The following GRIK4 variants were observed in gnomAD, a reference collection of about 807,000 sequenced individuals.
GRIK4 encodes glutamate ionotropic receptor kainate type subunit 4.
GRIK4 carries 40 observed loss-of-function variants against 104.9 expected under a neutral mutation model. The observed-to-expected ratio is 0.38, with a 90% CI of 0.30 to 0.50. GRIK4 has a LOEUF of 0.50. Ranked by LOEUF, GRIK4 falls within the 20% of genes least tolerant of loss-of-function variation. GRIK4 has a pLI of 0.93. For synonymous variants in GRIK4, 485 were observed against 524.9 expected (o/e 0.92, Z 1.04); for missense variants, 1,047 against 1,308.1 (o/e 0.80, Z 3.08).
At chr11:120,951,993 G>A (rs1385780929) in intron 14 of GRIK4, among the ~76,000 whole-genome samples, 1 of 152,192 alleles carries the variant, frequency 6.6e-6, no homozygotes, top group African/African-American at 2.4e-5. Flanking sequence ...GCCAGAAAGG[G>A]GTGGGAACTT....
chr11:120,861,093 C>CTTTTT lies in GRIK4; in HGVS notation c.745-838_745-834dup, dbSNP rs547199127. Among the ~76,000 whole-genome samples the CTTTTT allele has an allele frequency of 2.5e-3, 212 of 86,528 alleles. 18 individuals are homozygous for CTTTTT. The highest frequency in any genetic ancestry group is 3.9e-3 in the African/African-American group (87 of 22,470). 56.8% of individuals were successfully genotyped at this position (86,528 alleles called of 152,430 possible). A position where few individuals can be genotyped will look rare whatever the true frequency, so the allele number is the denominator to read the frequency against. The stretch of plus-strand genomic sequence containing the variant: ...TTAGGTAGGGTTCAGAAATCATCCT[C>CTTTTT]TTTTTTTTTTTTTTTTTTTTTTTTT... On this transcript the variant is annotated intron_variant, in intron 8 of 20. Coordinates refer to ENST00000527524, the MANE Select transcript of GRIK4 (RefSeq NM_014619.5).
intron 1 of GRIK4, among the ~76,000 whole-genome samples, chr11:120,609,516 CTTTTTTTTTTTTTTTT>C (rs58736481): frequency 1.8e-4 from 10 of 57,130 alleles, no homozygotes; most frequent in African/African-American, 6.7e-4. Flanking sequence ...TTTGCAGTTG[CTTTTTTTTTTTTTTTT>C]TTTTTTTTTT....
At chr11:120,580,237 T>TTCTTTCTC (rs1948556205) in intron 1 of GRIK4, among the ~76,000 whole-genome samples, 1 of 141,150 alleles carries the variant, frequency 7.1e-6, no homozygotes, top group Non-Finnish European at 1.5e-5. Context: ...CTTTCTTTCT[T>TTCTTTCTC]TCTTTCTTTC....
chr11:120,515,700 C>T lies in GRIK4; in HGVS notation c.-159+3813C>T, dbSNP rs760238601. ...GTTCTTCAACATCCTGTAAATCGGC[C>T]CTCTTCATAGTAAGGACATAAGATA... On this transcript the variant is annotated intron_variant, in intron 1 of 20. Transcript: ENST00000527524. 5.9e-5 allele frequency among the ~76,000 whole-genome samples: 9 copies of T among 152,312 alleles called. No individual in the cohort carries two copies. The East Asian group carries it at 1.7e-3, about 29-fold the overall frequency.
intron 1 of GRIK4, among the ~76,000 whole-genome samples, chr11:120,571,676 C>A (rs948817045): frequency 6.6e-6 from 1 of 152,060 alleles, no homozygotes; most frequent in Non-Finnish European, 1.5e-5. Flanking sequence ...CCTGGCCCAC[C>A]CCCCTCATCT....
intron 3 of GRIK4, among the ~76,000 whole-genome samples, chr11:120,789,390 C>T (rs940252381): frequency 6.6e-6 from 1 of 152,114 alleles, no homozygotes; most frequent in African/African-American, 2.4e-5. Flanking sequence ...TACCTCATCC[C>T]AACCCCCACT....
At chr11:120,654,567 T>C (rs1375173614) in intron 2 of GRIK4, among the ~76,000 whole-genome samples, 1 of 152,122 alleles carries the variant, frequency 6.6e-6, no homozygotes, top group Non-Finnish European at 1.5e-5. Context: ...TTCACCATGT[T>C]GGCCAGGCTG....
intron 1 of GRIK4, among the ~76,000 whole-genome samples, chr11:120,644,376 C>T (rs1013196344): frequency 6.6e-6 from 1 of 152,182 alleles, no homozygotes; most frequent in African/African-American, 2.4e-5. Context: ...TATGTGCCAG[C>T]TACTGTGTGA....
At chr11:120,609,975 CATTT>C (rs780800918) in intron 1 of GRIK4, among the ~76,000 whole-genome samples, 4 of 152,214 alleles carry the variant, frequency 2.6e-5, no homozygotes, top group Non-Finnish European at 4.4e-5. Context: ...CCAGTCCTCT[CATTT>C]ATGAAATGCA....
At chr11:120,933,915 G>A (rs1943533755) in intron 13 of GRIK4, among the ~76,000 whole-genome samples, 1 of 152,156 alleles carries the variant, frequency 6.6e-6, no homozygotes, top group South Asian at 2.1e-4. Context: ...GAGGCTGCAA[G>A]AGGTCATAGC....
At chr11:120,768,944 A>G (rs547988305) in intron 3 of GRIK4, among the ~76,000 whole-genome samples, 3 of 152,178 alleles carry the variant, frequency 2.0e-5, no homozygotes, top group African/African-American at 7.2e-5. Flanking sequence ...CAGTTTGATT[A>G]TATTTTATTG....
intron 8 of GRIK4, among the ~76,000 whole-genome samples, chr11:120,844,388 C>T (rs745886445): frequency 2.6e-5 from 4 of 152,302 alleles, no homozygotes; most frequent in South Asian, 4.1e-4. Flanking sequence ...CATTTTTCTA[C>T]GCTAACCTTT....
chr11:120,917,074 C>T (rs1275885468), intron 13 of GRIK4, among the ~76,000 whole-genome samples: 1 of 151,690 alleles, frequency 6.6e-6, no homozygotes, highest in Non-Finnish European at 1.5e-5. Flanking sequence ...GGAGAAACCT[C>T]GTCTCTGATA....
intron 1 of GRIK4, among the ~76,000 whole-genome samples, chr11:120,630,561 T>C (rs1034433430): frequency 2.0e-5 from 3 of 152,160 alleles, no homozygotes; most frequent in African/African-American, 7.2e-5. Context: ...GCCTCCTCTT[T>C]TAAGGGTGTT....
intron 1 of GRIK4, among the ~76,000 whole-genome samples, chr11:120,628,047 G>A (rs1356911634): frequency 1.3e-5 from 2 of 152,190 alleles, no homozygotes; most frequent in African/African-American, 2.4e-5. Context: ...AGGCACAAAG[G>A]GCTGTATGAG....
intron 13 of GRIK4, among the ~76,000 whole-genome samples, chr11:120,911,194 C>A (rs920553930): frequency 6.6e-6 from 1 of 151,256 alleles, no homozygotes; most frequent in African/African-American, 2.4e-5. Flanking sequence ...TGGTGAGAAC[C>A]AAAAGTAGCT....
chr11:120,943,027 T>C (rs779284349), intron 14 of GRIK4, among the ~76,000 whole-genome samples: 1 of 151,902 alleles, frequency 6.6e-6, no homozygotes, highest in African/African-American at 2.4e-5. Context: ...TTTGGACTTA[T>C]TAGCCCCCAC....
chr11:120,668,075 C>A (rs1438392787), intron 3 of GRIK4, among the ~76,000 whole-genome samples: 2 of 149,016 alleles, frequency 1.3e-5, no homozygotes, highest in South Asian at 2.2e-4. Flanking sequence ...AGAGTGAGAC[C>A]CTGTCTCATA....
chr11:120,707,974 T>A (rs1950658618), intron 3 of GRIK4, among the ~76,000 whole-genome samples: 1 of 152,194 alleles, frequency 6.6e-6, no homozygotes, highest in African/African-American at 2.4e-5. Context: ...CATATAGCAT[T>A]ACTTGCACCA....
Sources: allele counts gnomAD v4.1 joint callset (sites outside exome capture counted in the v4.1 genomes callset), GRCh38; gene constraint gnomAD v4.1.1; transcripts MANE v1.5; gene names NCBI Gene and HGNC (gene_info 2026-07-23, HGNC 2026-07-21).